HLCS: variants seen among roughly 807,000 people sequenced by gnomAD.
HLCS encodes the protein biotin--protein ligase.
In HLCS, 53 loss-of-function variants were observed where a neutral mutation model predicts 75.0. That is an observed-to-expected ratio of 0.71 (90% CI 0.57 to 0.89). The LOEUF is 0.89. Among genes scored for constraint, HLCS ranks in the 40% least tolerant of loss-of-function variants. HLCS has a pLI of 0.00. For missense variants in HLCS, 966 were observed against 1,074.0 expected (o/e 0.90, Z 1.41); for synonymous variants, 431 against 428.6 (o/e 1.01, Z -0.07).
At position 36,900,524 on chromosome 21, in the gene HLCS, C is replaced by T. The variant is rs73214734; in HGVS notation, c.1621-3393G>A. On this transcript the variant is annotated intron_variant, in intron 5 of 10. Coordinates refer to ENST00000674895, the MANE Select transcript of HLCS (RefSeq NM_001352514.2). The stretch of plus-strand genomic sequence containing the variant: ...AGGGCCTCAAAGGCCACAGTAAGGA[C>T]GGGGCTTTCACTCGAGGAGCAACAG... 3.7e-3 allele frequency among the ~76,000 whole-genome samples: 557 copies of T among 152,178 alleles called. 1 individual carries two copies. The highest frequency in any genetic ancestry group is 0.01 in the Middle Eastern group (3 of 294).
intron 6 of HLCS, among the ~76,000 whole-genome samples, chr21:36,846,419 G>T (rs919685039): frequency 6.6e-6 from 1 of 152,084 alleles, no homozygotes; most frequent in Non-Finnish European, 1.5e-5. Context: ...ACATTTCCAA[G>T]GGGCCTAGAC....
At chr21:36,856,335 A>G (rs2063192437) in intron 6 of HLCS, among the ~76,000 whole-genome samples, 1 of 152,218 alleles carries the variant, frequency 6.6e-6, no homozygotes, top group Admixed American at 6.5e-5. Context: ...GGAAAAAGGT[A>G]GGCCAGAACA....
At chr21:36,760,814 G>A (rs2089808411) in intron 8 of HLCS, among the ~76,000 whole-genome samples, 1 of 152,210 alleles carries the variant, frequency 6.6e-6, no homozygotes, top group Admixed American at 6.5e-5. Flanking sequence ...ACTGGACAGT[G>A]TCTCGAACAA....
At chr21:36,921,827 G>A (rs2066180990) in intron 5 of HLCS, among the ~76,000 whole-genome samples, 1 of 151,990 alleles carries the variant, frequency 6.6e-6, no homozygotes, top group Non-Finnish European at 1.5e-5. Context: ...TGTGAACCTC[G>A]TGTCAAGGGA....
intron 2 of HLCS, among the ~76,000 whole-genome samples, chr21:36,961,681 T>TA (rs1191522768): frequency 6.6e-6 from 1 of 152,042 alleles, no homozygotes; most frequent in East Asian, 1.9e-4. Flanking sequence ...AGGCCGGGCG[T>TA]GGTGGCTCAC....
At chr21:36,970,230 T>G (rs891031300), upstream of HLCS, among the ~76,000 whole-genome samples, 1 of 152,158 alleles carries the variant, frequency 6.6e-6, no homozygotes, top group Non-Finnish European at 1.5e-5. Flanking sequence ...CTGAGAAGGA[T>G]AGCTTGTTTT....
upstream of HLCS, among the ~76,000 whole-genome samples, chr21:36,967,718 T>C (rs1189124325): frequency 6.6e-6 from 1 of 152,166 alleles, no homozygotes; most frequent in African/African-American, 2.4e-5. Flanking sequence ...AATCTAAGGA[T>C]AGTTTTTGTT....
At chr21:36,760,609 CAAAA>C (rs571481654) in intron 8 of HLCS, among the ~76,000 whole-genome samples, 1 of 96,076 alleles carries the variant, frequency 1.0e-5, no homozygotes, top group East Asian at 3.1e-4. Context: ...GACTCTGTCT[CAAAA>C]AAAAAAAAAA....
intron 1 of HLCS, among the ~76,000 whole-genome samples, chr21:36,973,349 G>T (rs2068847156): frequency 1.3e-5 from 2 of 148,558 alleles, no homozygotes; most frequent in African/African-American, 2.5e-5. Flanking sequence ...ATGAGGAAAA[G>T]TCAGAAAACC....
At chr21:36,773,549 C>G (rs964486146) in intron 6 of HLCS, among the ~76,000 whole-genome samples, 5 of 152,252 alleles carry the variant, frequency 3.3e-5, no homozygotes, top group Non-Finnish European at 7.3e-5. Context: ...TCCCTCGGGC[C>G]TGGAGGGCTT....
At position 36,907,630 on chromosome 21, in the gene HLCS, C is replaced by T. The variant is rs542653609; in HGVS notation, c.1621-10499G>A. On this transcript the variant is annotated intron_variant, in intron 5 of 10. Transcript: ENST00000674895. ...GAGATCATGCGCACTCCAGCCTGGG[C>T]GACAGAGCGAGACTCCATCTCAAAA... Among the ~76,000 whole-genome samples the T allele has an allele frequency of 1.7e-4, 26 of 151,416 alleles. No homozygotes were observed. The South Asian group carries it at 2.9e-3, about 17-fold the overall frequency.
At chr21:36,810,179 T>C (rs1038540161) in intron 6 of HLCS, among the ~76,000 whole-genome samples, 2 of 152,254 alleles carry the variant, frequency 1.3e-5, no homozygotes, top group Admixed American at 1.3e-4. Context: ...CTTCAAATGT[T>C]GGTTATTTTA....
upstream of HLCS, among the ~76,000 whole-genome samples, chr21:36,969,180 C>T (rs568546654): frequency 5.3e-5 from 8 of 152,246 alleles, no homozygotes; most frequent in South Asian, 2.1e-4. Flanking sequence ...TTTATGATCC[C>T]GCCCTAAAAT....
At chr21:36,793,528 C>T (rs2105752) in intron 6 of HLCS, among the ~76,000 whole-genome samples, 94,530 of 151,666 alleles carry the variant, frequency 0.62, 30,970 homozygotes, top group African/African-American at 0.83. Context: ...TCTTGAACTC[C>T]GGACCTTGTG....
chr21:36,759,667 T>C (rs1368129401), intron 9 of HLCS, 60 bp downstream of exon 9: 3 of 990,026 alleles, frequency 3.0e-6, no homozygotes, highest in Admixed American at 1.7e-5. Flanking sequence ...GCATAAACCG[T>C]CTTTATTTTT....
At chr21:36,822,301 T>A (rs1341857817) in intron 6 of HLCS, among the ~76,000 whole-genome samples, 1 of 152,108 alleles carries the variant, frequency 6.6e-6, no homozygotes. Context: ...GCACCTGTAA[T>A]CCCAGCTACT....
chr21:36,773,327 C>T (rs975824137), intron 6 of HLCS, among the ~76,000 whole-genome samples: 1 of 152,246 alleles, frequency 6.6e-6, no homozygotes, highest in African/African-American at 2.4e-5. Flanking sequence ...TGGCTCATTC[C>T]CTGCCGCACA....
chr21:36,817,675 T>C (rs531720101), intron 6 of HLCS, among the ~76,000 whole-genome samples: 13 of 152,214 alleles, frequency 8.5e-5, no homozygotes, highest in African/African-American at 3.1e-4. Context: ...ACATCCAAAC[T>C]GTGTGGATTT....
chr21:36,878,216 T>C (rs998018134), intron 6 of HLCS, among the ~76,000 whole-genome samples: 5 of 152,146 alleles, frequency 3.3e-5, no homozygotes, highest in Non-Finnish European at 7.4e-5. Flanking sequence ...ATATTATCCA[T>C]AGGTCCCTGA....
Sources: allele counts gnomAD v4.1 joint callset (sites outside exome capture counted in the v4.1 genomes callset), GRCh38; gene constraint gnomAD v4.1.1; transcripts MANE v1.5; gene names NCBI Gene and HGNC (gene_info 2026-07-23, HGNC 2026-07-21).